Variants in TUSC3 observed in about 807,000 individuals in gnomAD.
The protein encoded by TUSC3 is tumor suppressor candidate 3.
A neutral mutation model predicts 44.8 loss-of-function variants in TUSC3; 45 were observed. The observed-to-expected ratio is 1.00, with a 90% CI of 0.79 to 1.29. The LOEUF (loss-of-function observed/expected upper bound fraction) is 1.29. TUSC3 is among the 50% of genes most tolerant of loss of function. TUSC3 has a pLI of 0.00. For synonymous variants in TUSC3, 212 were observed against 152.9 expected, an observed-to-expected ratio of 1.39 and a Z score of -2.85; for missense variants, 519 against 437.9, an observed-to-expected ratio of 1.19 and a Z score of -1.65.
chr8:15,431,434 G>C (rs1353402194), intron 1 of TUSC3, among the ~76,000 whole-genome samples: 1 of 151,508 alleles, frequency 6.6e-6, no homozygotes, highest in East Asian at 1.9e-4. Flanking sequence ...TCTTTCGAAT[G>C]CTCTTTAAAT....
At chr8:15,650,957 T>C (rs1806875264) in intron 3 of TUSC3, 143 bp downstream of exon 3, 1 of 746,906 alleles carries the variant, frequency 1.3e-6, no homozygotes, top group Non-Finnish European at 2.3e-6. Context: ...GCCACTGCAT[T>C]CCAGGTGGAG....
At chr8:15,444,268 T>G (rs912510493) in intron 1 of TUSC3, among the ~76,000 whole-genome samples, 3 of 152,146 alleles carry the variant, frequency 2.0e-5, no homozygotes, top group African/African-American at 7.2e-5. Context: ...TTCATGACAC[T>G]TGTTGAAGCA....
At chr8:15,775,732 ATAAC>A in the TUSC3 span, among the ~76,000 whole-genome samples, 3 of 123,942 alleles carry the variant, frequency 2.4e-5, no homozygotes, top group Non-Finnish European at 4.9e-5. Context: ...ACAAACATAT[ATAAC>A]TATATATTAC....
chr8:15,578,318 C>A (rs1267136882), intron 1 of TUSC3, among the ~76,000 whole-genome samples: 2 of 124,736 alleles, frequency 1.6e-5, no homozygotes, highest in African/African-American at 3.2e-5. Context: ...CCTTCTCCTG[C>A]CTAATTGCCC....
At chr8:15,846,006 A>G in the TUSC3 span, among the ~76,000 whole-genome samples, 1 of 152,176 alleles carries the variant, frequency 6.6e-6, no homozygotes, top group African/African-American at 2.4e-5. Context: ...ATGAGGAAGA[A>G]GCAAAAGCGG....
downstream of TUSC3, among the ~76,000 whole-genome samples, chr8:15,768,268 T>A (rs1473092731): frequency 6.6e-6 from 1 of 152,014 alleles, no homozygotes; most frequent in Non-Finnish European, 1.5e-5. Context: ...TTTAGAAAAG[T>A]CACTAAACAA....
chr8:15,574,231 T>C (rs1803002023), intron 1 of TUSC3, among the ~76,000 whole-genome samples: 1 of 152,154 alleles, frequency 6.6e-6, no homozygotes, highest in Non-Finnish European at 1.5e-5. Flanking sequence ...CCACCCTTCC[T>C]CTTGCGTTTC....
At chr8:15,648,728 A>C (rs1370538356) in intron 2 of TUSC3, among the ~76,000 whole-genome samples, 2 of 97,328 alleles carry the variant, frequency 2.1e-5, no homozygotes, top group Non-Finnish European at 4.7e-5. Flanking sequence ...TCTGTGTCAA[A>C]AAAAAAAAAA....
At chr8:15,556,051 A>G (rs1802251894) in intron 1 of TUSC3, among the ~76,000 whole-genome samples, 1 of 150,186 alleles carries the variant, frequency 6.7e-6, no homozygotes, top group Non-Finnish European at 1.5e-5. Context: ...ACATGTGCAC[A>G]TTGTGCAGGT....
chr8:15,751,958 C>T (rs984317027), intron 9 of TUSC3, among the ~76,000 whole-genome samples: 2 of 152,090 alleles, frequency 1.3e-5, no homozygotes, highest in African/African-American at 4.8e-5. Context: ...TTCACAATTG[C>T]CTCTCAGTTT....
At chr8:15,710,497 G>C (rs185526233) in intron 6 of TUSC3, among the ~76,000 whole-genome samples, 158 of 148,062 alleles carry the variant, frequency 1.1e-3, no homozygotes, top group Non-Finnish European at 1.8e-3. Context: ...AAAATAAGCA[G>C]ATTCATTGAA....
At chr8:15,513,813 C>T (rs1163735651) in intron 2 of TUSC3, among the ~76,000 whole-genome samples, 1 of 152,160 alleles carries the variant, frequency 6.6e-6, no homozygotes, top group African/African-American at 2.4e-5. Context: ...GCACTTATAT[C>T]TCACCAGAGT....
intron 2 of TUSC3, among the ~76,000 whole-genome samples, chr8:15,632,045 T>G (rs1050760935): frequency 1.3e-5 from 2 of 152,162 alleles, no homozygotes; most frequent in Admixed American, 1.3e-4. Flanking sequence ...ATTATAACTT[T>G]TAAGTAAATT....
chr8:15,450,000 A>G (rs1266655488), intron 1 of TUSC3, among the ~76,000 whole-genome samples: 1 of 152,182 alleles, frequency 6.6e-6, no homozygotes, highest in Non-Finnish European at 1.5e-5. Flanking sequence ...GCAGGAGGCT[A>G]TCCCTCTAGG....
chr8:15,622,447 A>G (rs901264617), intron 1 of TUSC3, among the ~76,000 whole-genome samples: 2 of 152,000 alleles, frequency 1.3e-5, no homozygotes, highest in African/African-American at 4.8e-5. Flanking sequence ...AGAGCCTTCT[A>G]TACAGAAGCT....
At chr8:15,766,643 A>G (rs1418232699), downstream of TUSC3, 1 of 152,164 alleles carries the variant, frequency 6.6e-6, no homozygotes, top group Admixed American at 6.6e-5. Flanking sequence ...GAGTAAGCCC[A>G]GTAGCATTTT....
downstream of TUSC3, among the ~76,000 whole-genome samples, chr8:15,771,110 G>A (rs989146810): frequency 1.4e-4 from 21 of 152,246 alleles, no homozygotes; most frequent in African/African-American, 5.1e-4. Context: ...ATTTTACAGT[G>A]CTAAAAGAAA....
intron 1 of TUSC3, among the ~76,000 whole-genome samples, chr8:15,585,038 C>G (rs1157307281): frequency 6.6e-6 from 1 of 152,062 alleles, no homozygotes; most frequent in East Asian, 1.9e-4. Flanking sequence ...GTTAGAAATA[C>G]TCTAAAATAA....
chr8:15,641,325 C>T (rs767659585), intron 2 of TUSC3, among the ~76,000 whole-genome samples: 7 of 141,310 alleles, frequency 5.0e-5, no homozygotes, highest in African/African-American at 1.9e-4. Context: ...TGTGCCACTG[C>T]ACTCCGGCCT....
Sources: gnomAD v4.1 joint callset for allele counts (sites outside exome capture counted in the v4.1 genomes callset) on GRCh38, gnomAD v4.1.1 for gene constraint, MANE v1.5 for transcripts, NCBI Gene and HGNC (gene_info 2026-07-23, HGNC 2026-07-21) for gene names.